FMC1: variants seen among roughly 807,000 people sequenced by gnomAD.
FMC1 encodes the protein protein FMC1 homolog.
In FMC1, 6 loss-of-function variants were observed where a neutral mutation model predicts 10.5. The ratio of observed to expected loss-of-function variants is 0.57; its 90% confidence interval spans 0.31 to 1.12. The LOEUF (loss-of-function observed/expected upper bound fraction) is 1.12, where lower values mean the gene tolerates loss of function less well. Ranked by LOEUF, FMC1 falls within the 50% of genes most tolerant of loss-of-function variation. FMC1 has a pLI of 0.05. For missense variants in FMC1, 146 were observed against 151.7 expected (o/e 0.96, Z 0.20); for synonymous variants, 59 against 62.1 (o/e 0.95, Z 0.24).
chr7:139,341,321 C>T (rs779672664), upstream of FMC1: 18 of 1,553,794 alleles, frequency 1.2e-5, no homozygotes, highest in Non-Finnish European at 1.5e-5. Flanking sequence ...GCGCCTGGGC[C>T]GGAGGAGGGG....
chr7:139,345,263 T>G (rs1799216472), intron 1 of FMC1, among the ~76,000 whole-genome samples: 1 of 152,198 alleles, frequency 6.6e-6, no homozygotes, highest in Non-Finnish European at 1.5e-5. Context: ...CTTGCAGTAC[T>G]GACTGAATAC....
chr7:139,345,393 C>T (rs911929203), intron 1 of FMC1, 108 bp from the exon 2 acceptor site: 10 of 1,477,712 alleles, frequency 6.8e-6, no homozygotes, highest in Non-Finnish European at 3.6e-6. Context: ...GTCTGTATTT[C>T]CTCTGTGCAA....
upstream of FMC1, chr7:139,340,492 T>C (rs372972377): frequency 7.5e-5 from 30 of 398,552 alleles, no homozygotes; most frequent in African/African-American, 3.7e-4. Context: ...CCGTTCAACG[T>C]CCGGAGCATC....
chr7:139,341,550 A>G (rs762459972), intron 1 of FMC1, 28 bp downstream of exon 1: 3 of 1,604,204 alleles, frequency 1.9e-6, no homozygotes, highest in South Asian at 1.1e-5. Flanking sequence ...CGGGTGCTCT[A>G]CGTGCTGGGG....
intron 1 of FMC1, among the ~76,000 whole-genome samples, chr7:139,345,254 T>C (rs1471564741): frequency 1.3e-5 from 2 of 152,174 alleles, no homozygotes; most frequent in Admixed American, 1.3e-4. Context: ...AGATGACTTC[T>C]TGCAGTACTG....
At chr7:139,342,403 A>G (rs1385552484) in intron 1 of FMC1, among the ~76,000 whole-genome samples, 1 of 152,170 alleles carries the variant, frequency 6.6e-6, no homozygotes, top group Non-Finnish European at 1.5e-5. Context: ...TACACAATTG[A>G]AAGCCCAAGG....
chr7:139,340,843 T>C (rs1256703861), upstream of FMC1, among the ~76,000 whole-genome samples: 1 of 152,008 alleles, frequency 6.6e-6, no homozygotes. Flanking sequence ...TTTTTTTTTT[T>C]TAAATGGGAA....
chr7:139,345,734 C>T lies in FMC1; in HGVS notation c.*30C>T. 1.3e-6 allele frequency: 2 copies of T among 1,593,788 alleles called. No individual in the cohort carries two copies. The highest frequency in any genetic ancestry group is 1.7e-6 in the Non-Finnish European group (2 of 1,169,166). ...GGAGAATATCCTTGGATGCTGCATT[C>T]ATAGGAGAATTGAATAATTTCTATC... On this transcript the variant is annotated 3_prime_UTR_variant, in exon 2 of 2. Coordinates refer to ENST00000297534, the MANE Select transcript of FMC1 (RefSeq NM_197964.5).
At chr7:139,340,594 C>A (rs1798885714), upstream of FMC1, 1 of 397,346 alleles carries the variant, frequency 2.5e-6, no homozygotes, top group Admixed American at 4.4e-5. Flanking sequence ...CTCACGTGGG[C>A]GCTAGGTGTG....
In FMC1 at chr7:139,345,724, A is replaced by G. The variant is rs766344502; in HGVS notation, c.*20A>G. ...CCATGAACATGGAGAATATCCTTGG[A>G]TGCTGCATTCATAGGAGAATTGAAT... On this transcript the variant is annotated 3_prime_UTR_variant, in exon 2 of 2. Coordinates refer to ENST00000297534, the MANE Select transcript of FMC1 (RefSeq NM_197964.5). 2 of 1,609,348 alleles carry G rather than the reference A, an allele frequency of 1.2e-6. No homozygotes were observed. Among genetic ancestry groups the G allele is most frequent in the East Asian group, 4.5e-5 (2 of 44,778 alleles).
chr7:139,341,137 C>T (rs951462635), upstream of FMC1: 6 of 473,374 alleles, frequency 1.3e-5, no homozygotes, highest in Admixed American at 2.5e-4. Flanking sequence ...TTCCCCAAAC[C>T]CTTGTTCTGG....
upstream of FMC1, among the ~76,000 whole-genome samples, chr7:139,340,919 TTGTC>T (rs973157003): frequency 7.2e-5 from 11 of 152,256 alleles, no homozygotes; most frequent in East Asian, 1.9e-4. Flanking sequence ...CCCATGTCCT[TTGTC>T]TGAGCCGCAG....
At chr7:139,344,152 T>C (rs1240770574) in intron 1 of FMC1, among the ~76,000 whole-genome samples, 1 of 152,106 alleles carries the variant, frequency 6.6e-6, no homozygotes, top group East Asian at 1.9e-4. Flanking sequence ...TTTGGAATCA[T>C]TTGGGGACTT....
rs935964199 is a variant in FMC1 at position 139,345,827 on chromosome 7, T to G, written c.*123T>G. ...TCTCTGTAATTTTGTTTACTAGTTC[T>G]TAGGGGAATTAACTGGACATTTCAT... is the stretch of plus-strand genomic sequence containing the variant. On this transcript the variant is annotated 3_prime_UTR_variant, in exon 2 of 2. Coordinates refer to ENST00000297534, the MANE Select transcript of FMC1 (RefSeq NM_197964.5). 9.5e-7 allele frequency: 1 copy of G among 1,050,296 alleles called. No homozygotes were observed. Among genetic ancestry groups the G allele is most frequent in the Admixed American group, 3.2e-5 (1 of 31,646 alleles). The allele number at this position is 1,050,296 out of a possible 1,614,324, so 65.1% of individuals were successfully genotyped here.
rs964574015 is a variant in FMC1, at chr7:139,345,553, C to T, written c.191C>T (p.Ala64Val). Residue 64 changes from alanine (A) to valine (V), a missense_variant, in exon 2 of 2, where the codon GCC becomes GTC. By Grantham distance (64) the Ala-to-Val change is moderately conservative. Coordinates refer to ENST00000297534, the MANE Select transcript of FMC1 (RefSeq NM_197964.5). ...CAACATGAGCTTCATTTCCAAGCTG[C>T]CACCTATCTCTGCCTCCTGCGTAGC... ...RAQHELHFQA[A>V]TYLCLLRSIR... 6.2e-7 allele frequency: 1 copy of T among 1,614,014 alleles called. No individual in the cohort carries two copies. Among genetic ancestry groups the T allele is most frequent in the African/African-American group, 1.3e-5 (1 of 74,900 alleles).
At chr7:139,341,757 C>T (rs1255702021) in intron 1 of FMC1, among the ~76,000 whole-genome samples, 1 of 152,212 alleles carries the variant, frequency 6.6e-6, no homozygotes, top group Non-Finnish European at 1.5e-5. Flanking sequence ...TCAGCCTGTC[C>T]TGCAGAGGGG....
At chr7:139,343,908 A>G (rs1327003158) in intron 1 of FMC1, among the ~76,000 whole-genome samples, 1 of 149,940 alleles carries the variant, frequency 6.7e-6, no homozygotes, top group East Asian at 1.9e-4. Context: ...CCTGGGCAAC[A>G]AAGTGAGACC....
Position 139,341,496 on chromosome 7 carries a change from C to G in FMC1, c.112C>G (p.Leu38Val). ...TCGCGACACCGCGGCCTATCGGTACCTTGTGAAGGCTTTCCGTGCACATCG... is the reference window on the plus strand; with the variant it reads ...TCGCGACACCGCGGCCTATCGGTACGTTGTGAAGGCTTTCCGTGCACATCG... ...PYRDTAAYRY[L>V]VKAFRAHRVT... Residue 38 changes from leucine to valine, a missense_variant, in exon 1 of 2, where the codon CTT (leucine) becomes GTT (valine). Leu to Val is a conservative substitution (Grantham distance 32). Transcript: ENST00000297534. 1 of 1,613,636 alleles carries G rather than the reference C, an allele frequency of 6.2e-7. No homozygotes were observed. Among genetic ancestry groups the G allele is most frequent in the Non-Finnish European group, 8.5e-7 (1 of 1,179,844 alleles).
chr7:139,341,650 T>G, intron 1 of FMC1, 128 bp downstream of exon 1: 2 of 1,445,786 alleles, frequency 1.4e-6, no homozygotes, highest in Non-Finnish European at 9.1e-7. Flanking sequence ...GAGCCCTGGT[T>G]CTGACCAAAC....
Sources: allele counts gnomAD v4.1 joint callset (sites outside exome capture counted in the v4.1 genomes callset), GRCh38; gene constraint gnomAD v4.1.1; transcripts MANE v1.5; gene names NCBI Gene and HGNC (gene_info 2026-07-23, HGNC 2026-07-21).